LRRC37A2: variants seen among roughly 807,000 people sequenced by gnomAD.
The protein encoded by LRRC37A2 is leucine-rich repeat-containing protein 37A2.
Under a neutral mutation model 68.8 loss-of-function variants are expected in LRRC37A2, and 9 were observed. The observed-to-expected ratio is 0.13, with a 90% CI of 0.08 to 0.23. The LOEUF (loss-of-function observed/expected upper bound fraction) is 0.23, where lower values mean the gene tolerates loss of function less well. Ranked by LOEUF, LRRC37A2 falls within the 10% of genes least tolerant of loss-of-function variation. LRRC37A2 has a pLI of 1.00. For missense variants in LRRC37A2, 168 were observed against 950.4 expected (o/e 0.18, Z 10.82); for synonymous variants, 63 against 367.6 (o/e 0.17, Z 9.48).
intron 6 of LRRC37A2, among the ~76,000 whole-genome samples, chr17:46,525,614 A>AATAATCATC (rs1363048681): frequency 8.7e-6 from 1 of 114,442 alleles, no homozygotes; most frequent in Non-Finnish European, 2.0e-5. Context: ...TAATAATAAT[A>AATAATCATC]ATCATCATCA....
At chr17:46,558,415 C>T (rs569425270), downstream of LRRC37A2, among the ~76,000 whole-genome samples, 2 of 109,030 alleles carry the variant, frequency 1.8e-5, no homozygotes, top group Admixed American at 1.9e-4. Context: ...TTTTTGGAGA[C>T]AGTCTCTGTC....
chr17:46,721,743 T>G, the LRRC37A2 span: 1 of 1,605,462 alleles, frequency 6.2e-7, no homozygotes, highest in Non-Finnish European at 8.5e-7. Flanking sequence ...GGGATTCTCT[T>G]GCCCACAATT....
chr17:46,392,432 TCTTTCTTTC>T, the LRRC37A2 span, among the ~76,000 whole-genome samples: 5 of 12,430 alleles, frequency 4.0e-4, no homozygotes, highest in Non-Finnish European at 9.8e-4. Context: ...TTTCTTTCTC[TCTTTCTTTC>T]TTTCTTTCTT....
the LRRC37A2 span, among the ~76,000 whole-genome samples, chr17:46,725,998 A>G: frequency 6.6e-6 from 1 of 152,138 alleles, no homozygotes; most frequent in Non-Finnish European, 1.5e-5. Flanking sequence ...TGACCATCTT[A>G]AGACAGTGCA....
At chr17:46,995,185 T>C in the LRRC37A2 span, among the ~76,000 whole-genome samples, 4 of 152,094 alleles carry the variant, frequency 2.6e-5, no homozygotes, top group Non-Finnish European at 5.9e-5. Flanking sequence ...CAGGCTAAGC[T>C]GGTTAAGCTC....
At chr17:46,818,428 C>T in the LRRC37A2 span, 2 of 1,320,890 alleles carry the variant, frequency 1.5e-6, no homozygotes, top group Non-Finnish European at 2.1e-6. Flanking sequence ...GAGCCCCAGC[C>T]CTGCAGCGGC....
the LRRC37A2 span, among the ~76,000 whole-genome samples, chr17:46,900,999 G>A: frequency 7.9e-5 from 12 of 152,228 alleles, no homozygotes; most frequent in East Asian, 2.3e-3. Flanking sequence ...TAATGCAATG[G>A]AAATTAATCA....
the LRRC37A2 span, among the ~76,000 whole-genome samples, chr17:47,027,841 G>A: frequency 1.3e-5 from 2 of 152,240 alleles, no homozygotes; most frequent in African/African-American, 4.8e-5. Flanking sequence ...CAGCTGGTGT[G>A]ATTTTGTACT....
At chr17:46,943,154 C>G in the LRRC37A2 span, among the ~76,000 whole-genome samples, 162 of 152,298 alleles carry the variant, frequency 1.1e-3, no homozygotes, top group African/African-American at 3.8e-3. Context: ...TAGCCCGTCC[C>G]CCATGCACTT....
the LRRC37A2 span, among the ~76,000 whole-genome samples, chr17:46,881,663 C>T: frequency 6.6e-6 from 1 of 152,214 alleles, no homozygotes; most frequent in Non-Finnish European, 1.5e-5. Context: ...CCTCCACCTC[C>T]AGCTGCTCAA....
chr17:46,625,940 A>G, the LRRC37A2 span, among the ~76,000 whole-genome samples: 6 of 143,740 alleles, frequency 4.2e-5, no homozygotes, highest in African/African-American at 1.1e-4. Flanking sequence ...TGAAGCTTCT[A>G]TCTTACACAT....
chr17:46,950,403 G>C, the LRRC37A2 span, among the ~76,000 whole-genome samples: 4 of 152,180 alleles, frequency 2.6e-5, no homozygotes, highest in African/African-American at 4.8e-5. Flanking sequence ...GGAGATGGAG[G>C]GGGAGAAGAT....
At chr17:46,884,753 G>A in the LRRC37A2 span, among the ~76,000 whole-genome samples, 2 of 152,268 alleles carry the variant, frequency 1.3e-5, no homozygotes, top group South Asian at 2.1e-4. Flanking sequence ...ACTTGCCTGA[G>A]GTCACACAGC....
chr17:46,610,215 C>T, the LRRC37A2 span, among the ~76,000 whole-genome samples: 1 of 95,924 alleles, frequency 1.0e-5, no homozygotes, highest in African/African-American at 4.1e-5. Flanking sequence ...ATTCTCCCTC[C>T]TTGGCCTCCC....
chr17:46,874,942 C>A, the LRRC37A2 span: 1 of 1,145,500 alleles, frequency 8.7e-7, no homozygotes, highest in Non-Finnish European at 1.3e-6. Context: ...GGGAGACCCA[C>A]CCGGAGCTGT....
At chr17:46,738,825 G>C in the LRRC37A2 span, among the ~76,000 whole-genome samples, 1 of 152,278 alleles carries the variant, frequency 6.6e-6, no homozygotes, top group South Asian at 2.1e-4. Context: ...ACTGTGGTTG[G>C]GCGCAGTGGC....
the LRRC37A2 span, among the ~76,000 whole-genome samples, chr17:46,864,659 T>C: frequency 2.0e-5 from 3 of 152,190 alleles, no homozygotes; most frequent in African/African-American, 7.2e-5. Context: ...CCTTAGATGC[T>C]TGCTGTGGTG....
chr17:46,965,025 GT>G, the LRRC37A2 span: 1 of 152,214 alleles, frequency 6.6e-6, no homozygotes, highest in Non-Finnish European at 1.5e-5. Context: ...ATTCACTGGA[GT>G]TTTTCACCCT....
the LRRC37A2 span, among the ~76,000 whole-genome samples, chr17:46,816,365 C>G: frequency 6.6e-6 from 1 of 152,152 alleles, no homozygotes; most frequent in South Asian, 2.1e-4. Flanking sequence ...CCAACACGCC[C>G]ACACGATTTC....
Sources: allele counts gnomAD v4.1 joint callset (sites outside exome capture counted in the v4.1 genomes callset), GRCh38; gene constraint gnomAD v4.1.1; transcripts MANE v1.5; gene names NCBI Gene and HGNC (gene_info 2026-07-23, HGNC 2026-07-21).